Variants in TMEM132C observed in about 807,000 individuals in gnomAD.
TMEM132C encodes the protein transmembrane protein 132C.
In TMEM132C, 29 loss-of-function variants were observed where a neutral mutation model predicts 61.4. The ratio of observed to expected loss-of-function variants is 0.47; its 90% CI spans 0.35 to 0.64. The LOEUF (loss-of-function observed/expected upper bound fraction) is 0.64, where lower values mean the gene tolerates loss of function less well. Ranked by LOEUF, TMEM132C falls within the 30% of genes least tolerant of loss-of-function variation. The pLI is 0.00. For synonymous variants in TMEM132C, 656 were observed against 633.1 expected (o/e 1.04, Z -0.54); for missense variants, 1,408 against 1,476.9 (o/e 0.95, Z 0.76).
chr12:128,472,952 A>G (rs1871000134), intron 2 of TMEM132C, among the ~76,000 whole-genome samples: 2 of 152,220 alleles, frequency 1.3e-5, no homozygotes, highest in Non-Finnish European at 2.9e-5. Context: ...TTAAAACAAT[A>G]GAAATGTTGA....
intron 1 of TMEM132C, among the ~76,000 whole-genome samples, chr12:128,347,082 A>G (rs1012154012): frequency 6.6e-6 from 1 of 152,028 alleles, no homozygotes; most frequent in African/African-American, 2.4e-5. Context: ...GTTCCCTCTT[A>G]TCCTTCCCCC....
In TMEM132C at chr12:128,527,667, G is replaced by T. The variant is rs1593086763; in HGVS notation, c.975-16290G>T. 2.0e-5 allele frequency among the ~76,000 whole-genome samples: 3 copies of T among 151,944 alleles called. No individual in the cohort carries two copies. In the East Asian group the frequency reaches 5.8e-4, roughly 29 times the overall value. ...GTTCCCATCAAGTTAGCAGTGGGGT[G>T]TTTGTGTATGTGAACGTGCATGTAC... is the stretch of plus-strand genomic sequence containing the variant. On this transcript the variant is annotated intron_variant, in intron 2 of 8. Transcript: ENST00000435159.
chr12:128,509,577 T>C (rs1038462623), intron 2 of TMEM132C, among the ~76,000 whole-genome samples: 3 of 152,178 alleles, frequency 2.0e-5, no homozygotes, highest in African/African-American at 7.2e-5. Context: ...GCTTTTGGGA[T>C]AGTGAGTTTG....
intron 2 of TMEM132C, among the ~76,000 whole-genome samples, chr12:128,474,780 G>A (rs1463907516): frequency 2.0e-5 from 3 of 152,142 alleles, no homozygotes; most frequent in Non-Finnish European, 2.9e-5. Context: ...GCAGTGGTCT[G>A]TTGAAAACCT....
At chr12:128,501,772 T>C (rs148886830) in intron 2 of TMEM132C, among the ~76,000 whole-genome samples, 2 of 152,344 alleles carry the variant, frequency 1.3e-5, no homozygotes, top group African/African-American at 4.8e-5. Context: ...AGCAGCAGCA[T>C]CTATGTATCC....
At chr12:128,568,658 G>C (rs1319925853) in intron 3 of TMEM132C, among the ~76,000 whole-genome samples, 1 of 152,118 alleles carries the variant, frequency 6.6e-6, no homozygotes, top group African/African-American at 2.4e-5. Flanking sequence ...ATTTCAACTA[G>C]CTCAGAATCT....
At chr12:128,572,986 A>G (rs1874948256) in intron 3 of TMEM132C, among the ~76,000 whole-genome samples, 2 of 152,256 alleles carry the variant, frequency 1.3e-5, no homozygotes, top group Admixed American at 6.5e-5. Flanking sequence ...AAATGGGAAC[A>G]CTTTTACATT....
intron 3 of TMEM132C, among the ~76,000 whole-genome samples, chr12:128,573,119 T>C (rs1399121264): frequency 6.6e-6 from 1 of 152,228 alleles, no homozygotes; most frequent in African/African-American, 2.4e-5. Flanking sequence ...CCCAAAGGAT[T>C]ATAAATCATG....
intron 1 of TMEM132C, among the ~76,000 whole-genome samples, chr12:128,271,495 T>C (rs1184135292): frequency 6.6e-6 from 1 of 152,202 alleles, no homozygotes; most frequent in Non-Finnish European, 1.5e-5. Context: ...CTTTTGCATC[T>C]ACTGAGATGA....
intron 3 of TMEM132C, among the ~76,000 whole-genome samples, chr12:128,568,179 A>T (rs1168835729): frequency 6.6e-6 from 1 of 152,144 alleles, no homozygotes; most frequent in Non-Finnish European, 1.5e-5. Context: ...CCTCTTAACA[A>T]TGTCATCTTG....
chr12:128,395,059 A>G (rs532775787), intron 1 of TMEM132C, among the ~76,000 whole-genome samples: 1 of 152,032 alleles, frequency 6.6e-6, no homozygotes, highest in Admixed American at 6.6e-5. Flanking sequence ...GTGAGTACAT[A>G]TTTACACACA....
At chr12:128,343,123 C>CGGGGAGTTAA (rs1282059848) in intron 1 of TMEM132C, among the ~76,000 whole-genome samples, 1 of 151,976 alleles carries the variant, frequency 6.6e-6, no homozygotes, top group Admixed American at 6.5e-5. Flanking sequence ...CAGGTGCATC[C>CGGGGAGTTAA]GGGGAGTTAA....
chr12:128,329,955 C>A (rs1248245331), intron 1 of TMEM132C, among the ~76,000 whole-genome samples: 2 of 152,296 alleles, frequency 1.3e-5, no homozygotes, highest in East Asian at 3.9e-4. Context: ...GTGCTAGATG[C>A]CTGTGTCCAT....
At chr12:128,431,671 C>T (rs1380901665) in intron 2 of TMEM132C, among the ~76,000 whole-genome samples, 1 of 150,754 alleles carries the variant, frequency 6.6e-6, no homozygotes, top group East Asian at 2.0e-4. Context: ...TCTCCTACCT[C>T]TGCCTGCCGA....
At chr12:128,292,954 A>G (rs73154728) in intron 1 of TMEM132C, among the ~76,000 whole-genome samples, 3,583 of 85,134 alleles carry the variant, frequency 0.042, 137 homozygotes, top group African/African-American at 0.1. Flanking sequence ...AGGTATGTGT[A>G]TGTGTGTGTG....
chr12:128,487,404 G>T (rs1871534642), intron 2 of TMEM132C, among the ~76,000 whole-genome samples: 2 of 151,966 alleles, frequency 1.3e-5, no homozygotes, highest in Non-Finnish European at 2.9e-5. Flanking sequence ...TACACCAACT[G>T]CCCCAAAATG....
chr12:128,598,421 G>A (rs1214431438), intron 3 of TMEM132C, among the ~76,000 whole-genome samples: 1 of 152,122 alleles, frequency 6.6e-6, no homozygotes, highest in Non-Finnish European at 1.5e-5. Context: ...GAGCAACAGA[G>A]TGAGACATGG....
At chr12:128,365,635 G>A (rs147936953) in intron 1 of TMEM132C, among the ~76,000 whole-genome samples, 7 of 152,260 alleles carry the variant, frequency 4.6e-5, no homozygotes, top group East Asian at 3.9e-4. Context: ...GATTTTAGCC[G>A]TGGTTGTTGG....
At chr12:128,452,178 T>G (rs1338194760) in intron 2 of TMEM132C, among the ~76,000 whole-genome samples, 9 of 151,946 alleles carry the variant, frequency 5.9e-5, no homozygotes, top group African/African-American at 2.2e-4. Context: ...ACTGCATCCT[T>G]CACTTCCCAA....
Sources: allele counts gnomAD v4.1 joint callset (sites outside exome capture counted in the v4.1 genomes callset), GRCh38; gene constraint gnomAD v4.1.1; transcripts MANE v1.5; gene names NCBI Gene and HGNC (gene_info 2026-07-23, HGNC 2026-07-21).